Variants in FRMD3 observed in about 807,000 individuals in gnomAD.
FRMD3 encodes the protein FERM domain containing 3.
A neutral mutation model predicts 70.2 loss-of-function variants in FRMD3; 33 were observed. The observed-to-expected ratio is 0.47, with a 90% CI of 0.36 to 0.63. The LOEUF is 0.63. FRMD3 is among the 20% of genes least tolerant of loss of function. The pLI is 0.00. For missense variants in FRMD3, 632 were observed against 711.4 expected (o/e 0.89, Z 1.27); for synonymous variants, 279 against 255.9 (o/e 1.09, Z -0.86).
At chr9:83,287,587 C>T (rs922756723) in intron 13 of FRMD3, among the ~76,000 whole-genome samples, 1 of 152,168 alleles carries the variant, frequency 6.6e-6, no homozygotes, top group African/African-American at 2.4e-5. Flanking sequence ...ACCTTTCTAC[C>T]TCACCTTCAC....
intron 13 of FRMD3, among the ~76,000 whole-genome samples, chr9:83,281,361 G>A (rs909910065): frequency 2.0e-5 from 3 of 152,154 alleles, no homozygotes; most frequent in Non-Finnish European, 2.9e-5. Context: ...CAAGCAAAAT[G>A]TCTTCCCCTC....
intron 4 of FRMD3, among the ~76,000 whole-genome samples, chr9:83,345,360 G>C (rs187755838): frequency 1.3e-5 from 2 of 152,282 alleles, no homozygotes; most frequent in East Asian, 3.9e-4. Context: ...GCCTAATCTA[G>C]TGCCTCTCAC....
the FRMD3 span, among the ~76,000 whole-genome samples, chr9:83,580,103 A>G: frequency 6.6e-6 from 1 of 152,148 alleles, no homozygotes; most frequent in Non-Finnish European, 1.5e-5. Context: ...CCTTGTTAGA[A>G]TGGCTTTTAT....
chr9:83,498,712 A>G (rs1416257178), intron 1 of FRMD3, among the ~76,000 whole-genome samples: 1 of 151,638 alleles, frequency 6.6e-6, no homozygotes, highest in Non-Finnish European at 1.5e-5. Flanking sequence ...CCCTTTCAAT[A>G]TCTACCCTCA....
intron 2 of FRMD3, among the ~76,000 whole-genome samples, chr9:83,379,787 C>T (rs895822954): frequency 6.6e-6 from 1 of 152,166 alleles, no homozygotes; most frequent in Non-Finnish European, 1.5e-5. Context: ...TAGCTCTTAA[C>T]TAATGACTAT....
At chr9:83,329,902 A>G (rs1356762247) in intron 6 of FRMD3, among the ~76,000 whole-genome samples, 1 of 152,228 alleles carries the variant, frequency 6.6e-6, no homozygotes, top group Non-Finnish European at 1.5e-5. Flanking sequence ...TAGAAACTCT[A>G]GGAAATACCT....
rs551002980 is a variant in FRMD3 at position 83,375,765 on chromosome 9, G to A, written c.253-2810C>T. Among the ~76,000 whole-genome samples, 6 of 152,212 alleles carry A rather than the reference G, an allele frequency of 3.9e-5. No homozygotes were observed. The South Asian group carries it at 1.0e-3, about 26-fold the overall frequency. ...ACAGGATCAGGCAAAATAACTAATG[G>A]GAACTAGGCTTAATACCTGTGTGAT... On this transcript the variant is annotated intron_variant, in intron 2 of 13. Coordinates refer to ENST00000304195, the MANE Select transcript of FRMD3 (RefSeq NM_174938.6).
At chr9:83,486,244 C>T (rs1828688140) in intron 1 of FRMD3, among the ~76,000 whole-genome samples, 1 of 152,124 alleles carries the variant, frequency 6.6e-6, no homozygotes, top group South Asian at 2.1e-4. Context: ...ACTCATGATG[C>T]TGAGACGTCA....
At chr9:83,267,347 A>G in intron 13 of FRMD3, 3 of 1,365,230 alleles carry the variant, frequency 2.2e-6, no homozygotes, top group Non-Finnish European at 1.9e-6. Context: ...CTCTCCACTC[A>G]CCCCTCTAAC....
chr9:83,483,591 G>A (rs547814497), intron 1 of FRMD3, among the ~76,000 whole-genome samples: 2 of 152,228 alleles, frequency 1.3e-5, no homozygotes, highest in South Asian at 4.2e-4. Flanking sequence ...GTGGCACCAT[G>A]GACAGTGAGA....
At chr9:83,501,458 C>T (rs922735636) in intron 1 of FRMD3, among the ~76,000 whole-genome samples, 3 of 152,256 alleles carry the variant, frequency 2.0e-5, no homozygotes, top group East Asian at 1.9e-4. Context: ...TTTATAAACA[C>T]GGAGTGTTCT....
At chr9:83,493,089 A>C (rs1422946672) in intron 1 of FRMD3, among the ~76,000 whole-genome samples, 1 of 152,062 alleles carries the variant, frequency 6.6e-6, no homozygotes, top group Non-Finnish European at 1.5e-5. Context: ...TGTGTCTGTG[A>C]ACACTCCCCT....
chr9:83,309,290 A>G (rs1269934718), intron 10 of FRMD3, among the ~76,000 whole-genome samples: 19 of 151,388 alleles, frequency 1.3e-4, no homozygotes, highest in Admixed American at 7.2e-4. Context: ...ACACACACAC[A>G]CACACACACA....
chr9:83,421,802 T>C (rs1195771065), intron 1 of FRMD3, among the ~76,000 whole-genome samples: 1 of 152,222 alleles, frequency 6.6e-6, no homozygotes, highest in African/African-American at 2.4e-5. Context: ...GTAGGCCTTA[T>C]CTTAAATGTA....
chr9:83,430,724 T>C (rs1826951152), intron 1 of FRMD3, among the ~76,000 whole-genome samples: 1 of 152,212 alleles, frequency 6.6e-6, no homozygotes, highest in Non-Finnish European at 1.5e-5. Context: ...ATATCTTCGA[T>C]GTTTAAAAAC....
chr9:83,297,042 T>C (rs1359409775), intron 12 of FRMD3, among the ~76,000 whole-genome samples: 1 of 152,236 alleles, frequency 6.6e-6, no homozygotes, highest in Non-Finnish European at 1.5e-5. Flanking sequence ...TTGGTTTCCA[T>C]AAATTATTCA....
intron 13 of FRMD3, among the ~76,000 whole-genome samples, chr9:83,263,399 T>G (rs1833078876): frequency 6.6e-6 from 1 of 151,904 alleles, no homozygotes; most frequent in Non-Finnish European, 1.5e-5. Flanking sequence ...TTATTATGGG[T>G]TTTTCCACTA....
At chr9:83,535,208 G>A (rs566728310) in intron 1 of FRMD3, among the ~76,000 whole-genome samples, 5 of 152,322 alleles carry the variant, frequency 3.3e-5, no homozygotes, top group Admixed American at 2.0e-4. Context: ...TGGCTCATGA[G>A]AGATGCTCAA....
chr9:83,246,327 A>G lies in FRMD3; in HGVS notation c.*1591T>C. The G allele has an allele frequency of 1.0e-6, 1 of 983,690 alleles. No individual in the cohort carries two copies. The highest frequency in any genetic ancestry group is 1.2e-6 in the Non-Finnish European group (1 of 828,400). 60.9% of individuals were successfully genotyped at this position (983,690 alleles called of 1,614,324 possible). A position where few individuals can be genotyped will look rare whatever the true frequency, so the allele number is the denominator to read the frequency against. ...CCCACATAACACAGTATCAGCAGGT[A>G]GTCTGCATGGGAAGGCATCAGTACG... On this transcript the variant is annotated 3_prime_UTR_variant, in exon 14 of 14. Transcript: ENST00000304195.
Sources: gnomAD v4.1 joint callset for allele counts (sites outside exome capture counted in the v4.1 genomes callset) on GRCh38, gnomAD v4.1.1 for gene constraint, MANE v1.5 for transcripts, NCBI Gene and HGNC (gene_info 2026-07-23, HGNC 2026-07-21) for gene names.